The following SLC2A9 variants were observed in gnomAD, a reference collection of about 807,000 sequenced individuals.
The protein encoded by SLC2A9 is solute carrier family 2, facilitated glucose transporter member 9.
In SLC2A9, 39 loss-of-function variants were observed where a neutral mutation model predicts 50.6. The observed-to-expected ratio is 0.77, with a 90% CI of 0.60 to 1.01. SLC2A9 has a LOEUF of 1.01. Ranked by LOEUF, SLC2A9 falls within the 50% of genes least tolerant of loss-of-function variation. The probability of loss-of-function intolerance (pLI) is 0.00; values close to 1 mark genes in which losing one functional copy is unlikely to be tolerated. For synonymous variants in SLC2A9, 324 were observed against 276.9 expected, an observed-to-expected ratio of 1.17 and a Z score of -1.69; for missense variants, 686 against 677.6, an observed-to-expected ratio of 1.01 and a Z score of -0.14.
chr4:9,975,466 G>C (rs901373169), intron 5 of SLC2A9, among the ~76,000 whole-genome samples: 1 of 152,148 alleles, frequency 6.6e-6, no homozygotes, highest in Admixed American at 6.5e-5. Flanking sequence ...CTTCTCAAAA[G>C]AAGACATACA....
At chr4:9,854,607 A>C (rs918188072) in intron 10 of SLC2A9, among the ~76,000 whole-genome samples, 6 of 152,224 alleles carry the variant, frequency 3.9e-5, no homozygotes, top group African/African-American at 1.4e-4. Flanking sequence ...AACTCATCCT[A>C]TGAGGCCAGC....
chr4:10,029,742 G>A (rs1240477532), intron 1 of SLC2A9, among the ~76,000 whole-genome samples: 1 of 151,682 alleles, frequency 6.6e-6, no homozygotes, highest in African/African-American at 2.4e-5. Flanking sequence ...TCAGCTTCCC[G>A]AGTAGCTGGG....
At position 9,890,616 on chromosome 4, in the gene SLC2A9, G is replaced by T. The variant is rs772719974; in HGVS notation, c.1209C>A (p.Thr403=). 4.3e-6 allele frequency: 7 copies of T among 1,614,020 alleles called. No homozygotes were observed. The highest frequency in any genetic ancestry group is 5.9e-6 in the Non-Finnish European group (7 of 1,179,900). The part of the protein sequence containing the change: ...LFFGTLTITL[T]LQDHAPWVPY... ...GACAAGAACATCGTCTCACCTGCAG[G>T]GTCAGCGTGATGGTGAGGGTCCCAA... The change falls in exon 9 of 12, where the codon ACC becomes ACA. Residue 403 remains threonine (T), a synonymous_variant. Transcript: ENST00000264784.
intron 7 of SLC2A9, among the ~76,000 whole-genome samples, chr4:9,917,684 T>C (rs868236625): frequency 6.6e-6 from 1 of 152,180 alleles, no homozygotes; most frequent in African/African-American, 2.4e-5. Context: ...CTCCTTAGCA[T>C]AAATATACTG....
chr4:10,008,917 TC>T (rs370651949), intron 2 of SLC2A9, among the ~76,000 whole-genome samples: 3,348 of 149,598 alleles, frequency 0.022, 58 homozygotes, highest in Admixed American at 0.028. Flanking sequence ...TTTTTTTTTT[TC>T]CTAATGGAAG....
chr4:9,934,793 T>C (rs1746762726), intron 6 of SLC2A9, among the ~76,000 whole-genome samples: 1 of 152,182 alleles, frequency 6.6e-6, no homozygotes, highest in Non-Finnish European at 1.5e-5. Context: ...CTATTTGTCC[T>C]AATGCTCTCC....
At chr4:9,782,868 C>G (rs1461533186) in intron 3 of SLC2A9, 2 of 1,613,576 alleles carry the variant, frequency 1.2e-6, no homozygotes, top group Non-Finnish European at 8.5e-7. Context: ...GCCTGCGCGC[C>G]CGACACCAGC....
intron 10 of SLC2A9, among the ~76,000 whole-genome samples, chr4:9,848,618 G>C (rs1207174187): frequency 6.6e-6 from 1 of 151,992 alleles, no homozygotes; most frequent in African/African-American, 2.4e-5. Flanking sequence ...TCTCTTGGGT[G>C]CTTGACAGAT....
downstream of SLC2A9, among the ~76,000 whole-genome samples, chr4:9,824,979 G>C (rs4697894): frequency 6.6e-6 from 1 of 152,174 alleles, no homozygotes; most frequent in Non-Finnish European, 1.5e-5. Context: ...ATACTCCACA[G>C]AAAAGGAAAA....
At chr4:9,785,822 G>C (rs887039268) in intron 3 of SLC2A9, among the ~76,000 whole-genome samples, 11 of 152,202 alleles carry the variant, frequency 7.2e-5, no homozygotes, top group African/African-American at 2.7e-4. Context: ...GCATTGCACT[G>C]TGCTGTACTG....
intron 4 of SLC2A9, among the ~76,000 whole-genome samples, chr4:9,981,573 T>A (rs1755884531): frequency 6.6e-6 from 1 of 152,198 alleles, no homozygotes. Flanking sequence ...TCCAGAGATG[T>A]TTAAAAAAAT....
intron 5 of SLC2A9, among the ~76,000 whole-genome samples, chr4:9,975,272 T>A (rs565925984): frequency 6.6e-6 from 1 of 152,190 alleles, no homozygotes; most frequent in South Asian, 2.1e-4. Context: ...AGAGCTTCTG[T>A]AGAGCTCTTC....
At chr4:9,863,160 G>T (rs967629654) in intron 10 of SLC2A9, among the ~76,000 whole-genome samples, 2 of 151,684 alleles carry the variant, frequency 1.3e-5, no homozygotes, top group African/African-American at 4.9e-5. Context: ...AATTTTTTTT[G>T]TTTTGAGACA....
chr4:9,900,550 C>A (rs1326785783), intron 8 of SLC2A9, among the ~76,000 whole-genome samples: 1 of 152,114 alleles, frequency 6.6e-6, no homozygotes, highest in African/African-American at 2.4e-5. Context: ...GATGCTGGGG[C>A]ACTGACTCTG....
rs1763164402 is a variant in SLC2A9, at chr4:10,019,108, C to CGG, written c.151-37_151-36dup. 2.0e-6 allele frequency: 3 copies of CGG among 1,534,688 alleles called. No individual in the cohort carries two copies. The East Asian group carries it at 7.4e-5, about 38-fold the overall frequency. On this transcript the variant is annotated intron_variant, in intron 1 of 11. Transcript: ENST00000264784. Reference sequence around the variant, plus strand: ...GAGGAAACCACGTCAGAGCCGGCACCGGGCGCGCAGCCAGGGCCGAGGGAA... The same window carrying CGG: ...GAGGAAACCACGTCAGAGCCGGCACCGGGGGCGCGCAGCCAGGGCCGAGGGAA...
intron 10 of SLC2A9, among the ~76,000 whole-genome samples, chr4:9,878,409 T>C (rs1734637396): frequency 6.6e-6 from 1 of 152,072 alleles, no homozygotes; most frequent in African/African-American, 2.4e-5. Flanking sequence ...CAGTCACCAG[T>C]GGCCAGTGAT....
intron 10 of SLC2A9, among the ~76,000 whole-genome samples, chr4:9,849,479 T>C (rs889215907): frequency 1.3e-5 from 2 of 152,208 alleles, no homozygotes; most frequent in Non-Finnish European, 2.9e-5. Context: ...TGTAAAGTGG[T>C]TCTTCCTCTT....
chr4:9,885,240 C>T (rs112158434), intron 10 of SLC2A9, among the ~76,000 whole-genome samples: 2 of 152,238 alleles, frequency 1.3e-5, no homozygotes, highest in African/African-American at 4.8e-5. Context: ...CTCCTGCCTA[C>T]CCCTGCTCTC....
intron 8 of SLC2A9, among the ~76,000 whole-genome samples, chr4:9,905,112 C>T (rs1740401561): frequency 6.6e-6 from 1 of 152,238 alleles, no homozygotes; most frequent in South Asian, 2.1e-4. Context: ...GGCAACGTCA[C>T]CTGTGACAGC....
Sources: allele counts gnomAD v4.1 joint callset (sites outside exome capture counted in the v4.1 genomes callset), GRCh38; gene constraint gnomAD v4.1.1; transcripts MANE v1.5; gene names NCBI Gene and HGNC (gene_info 2026-07-23, HGNC 2026-07-21).